The following SCHIP1 variants were observed in gnomAD, a reference collection of about 807,000 sequenced individuals.
The protein encoded by SCHIP1 is schwannomin interacting protein 1.
A neutral mutation model predicts 29.7 loss-of-function variants in SCHIP1; 8 were observed. That is an observed-to-expected ratio of 0.27 (90% CI 0.16 to 0.49). SCHIP1 has a LOEUF of 0.49. Ranked by LOEUF, SCHIP1 falls within the 20% of genes least tolerant of loss-of-function variation. SCHIP1 has a pLI of 0.99. For missense variants in SCHIP1, 193 were observed against 294.6 expected (o/e 0.66, Z 2.52); for synonymous variants, 76 against 94.9 (o/e 0.80, Z 1.16).
the SCHIP1 span, among the ~76,000 whole-genome samples, chr3:159,607,022 A>AAC: frequency 2.0e-5 from 3 of 152,252 alleles, no homozygotes; most frequent in Admixed American, 1.3e-4. Context: ...TCTACTTTTG[A>AAC]ACACTTCAGT....
At chr3:159,764,205 AC>A in the SCHIP1 span, 3 of 464,156 alleles carry the variant, frequency 6.5e-6, no homozygotes, top group South Asian at 1.5e-4. The surrounding 1 kb of genome is among the most constrained non-coding windows in gnomAD (Gnocchi z 6.1). Flanking sequence ...GTGGCTGGGC[AC>A]CCCTTTGCTA....
At chr3:159,492,531 C>T in the SCHIP1 span, among the ~76,000 whole-genome samples, 7,992 of 151,838 alleles carry the variant, frequency 0.053, 598 homozygotes, top group African/African-American at 0.16. Flanking sequence ...TGAAATGAAG[C>T]GAGAAGGGAA....
At chr3:159,696,769 C>T in the SCHIP1 span, among the ~76,000 whole-genome samples, 1 of 152,118 alleles carries the variant, frequency 6.6e-6, no homozygotes, top group Non-Finnish European at 1.5e-5. Flanking sequence ...CCTAAGGGAG[C>T]CATCCTTTGG....
At chr3:159,381,379 A>G in the SCHIP1 span, among the ~76,000 whole-genome samples, 1 of 152,330 alleles carries the variant, frequency 6.6e-6, no homozygotes. Flanking sequence ...CTTATTTACA[A>G]TAGATTTGCA....
chr3:159,857,779 C>T (rs1224719077), intron 1 of SCHIP1, among the ~76,000 whole-genome samples: 2 of 152,126 alleles, frequency 1.3e-5, no homozygotes, highest in South Asian at 2.1e-4. Flanking sequence ...CCAGGCACTG[C>T]GCCAAGCACT....
the SCHIP1 span, among the ~76,000 whole-genome samples, chr3:159,393,299 T>C: frequency 1.4e-4 from 21 of 152,256 alleles, no homozygotes; most frequent in South Asian, 8.3e-4. Context: ...TTTTGCTGTG[T>C]AGAAGCTCTT....
At chr3:159,827,059 G>A in the SCHIP1 span, among the ~76,000 whole-genome samples, 1 of 152,138 alleles carries the variant, frequency 6.6e-6, no homozygotes, top group African/African-American at 2.4e-5. Flanking sequence ...TAATTCAATA[G>A]CTTTAGGACA....
the SCHIP1 span, among the ~76,000 whole-genome samples, chr3:159,468,775 A>ATTT: frequency 1.6e-4 from 20 of 125,566 alleles, no homozygotes; most frequent in African/African-American, 5.8e-4. Context: ...ATATATATAT[A>ATTT]TATTTTTTTT....
the SCHIP1 span, among the ~76,000 whole-genome samples, chr3:159,303,366 A>C: frequency 1.2e-4 from 19 of 152,096 alleles, no homozygotes; most frequent in Middle Eastern, 3.4e-3. Context: ...CCAGAGGCAG[A>C]AAGGAGTAAG....
the SCHIP1 span, among the ~76,000 whole-genome samples, chr3:159,316,809 GA>G: frequency 6.6e-6 from 1 of 152,130 alleles, no homozygotes; most frequent in African/African-American, 2.4e-5. Flanking sequence ...AAAAGAAAAG[GA>G]AATGAAGATA....
the SCHIP1 span, among the ~76,000 whole-genome samples, chr3:159,709,389 T>C: frequency 6.6e-6 from 1 of 152,204 alleles, no homozygotes; most frequent in African/African-American, 2.4e-5. Context: ...AAAGCTCTTG[T>C]ATTATTCTTA....
the SCHIP1 span, among the ~76,000 whole-genome samples, chr3:159,288,424 C>A: frequency 6.6e-6 from 1 of 152,056 alleles, no homozygotes; most frequent in African/African-American, 2.4e-5. Context: ...GACTGATAAC[C>A]TTTTGCTAGG....
chr3:159,633,353 G>A, the SCHIP1 span, among the ~76,000 whole-genome samples: 1 of 152,146 alleles, frequency 6.6e-6, no homozygotes, highest in Non-Finnish European at 1.5e-5. Flanking sequence ...AAATGTGGCA[G>A]ACCTGAAAAG....
At chr3:159,363,931 C>T in the SCHIP1 span, among the ~76,000 whole-genome samples, 18,802 of 152,162 alleles carry the variant, frequency 0.12, 1,303 homozygotes, top group African/African-American at 0.15. Context: ...AGGAAAAATA[C>T]ACAGAAACTC....
chr3:159,291,567 T>C, the SCHIP1 span, among the ~76,000 whole-genome samples: 1 of 152,086 alleles, frequency 6.6e-6, no homozygotes, highest in Non-Finnish European at 1.5e-5. Flanking sequence ...AGATGAAAGG[T>C]TGATGGGAAA....
At chr3:159,734,361 C>G in the SCHIP1 span, among the ~76,000 whole-genome samples, 1 of 151,726 alleles carries the variant, frequency 6.6e-6, no homozygotes. Context: ...AGGCTGGTCT[C>G]GAACTCCTGT....
At chr3:159,410,560 A>G in the SCHIP1 span, among the ~76,000 whole-genome samples, 113 of 152,298 alleles carry the variant, frequency 7.4e-4, no homozygotes, top group Admixed American at 2.5e-3. Flanking sequence ...GAGAAATGCA[A>G]ATCAAAACTA....
chr3:159,367,752 C>T, the SCHIP1 span, among the ~76,000 whole-genome samples: 1 of 152,054 alleles, frequency 6.6e-6, no homozygotes, highest in Non-Finnish European at 1.5e-5. Flanking sequence ...AATGCCCTCA[C>T]CCTAGAATAT....
chr3:159,570,422 T>A, the SCHIP1 span, among the ~76,000 whole-genome samples: 2 of 152,308 alleles, frequency 1.3e-5, no homozygotes, highest in African/African-American at 4.8e-5. Flanking sequence ...CATTGCTTGT[T>A]TTTGTTAGGT....
Sources: allele counts gnomAD v4.1 joint callset (sites outside exome capture counted in the v4.1 genomes callset), GRCh38; gene constraint gnomAD v4.1.1; non-coding constraint Gnocchi (gnomAD v3.1); transcripts MANE v1.5; gene names NCBI Gene and HGNC (gene_info 2026-07-23, HGNC 2026-07-21).